NMNAT2: variants seen among roughly 807,000 people sequenced by gnomAD.
NMNAT2 encodes nicotinamide/nicotinic acid mononucleotide adenylyltransferase 2.
A neutral mutation model predicts 41.6 loss-of-function variants in NMNAT2; 11 were observed. That is an observed-to-expected ratio of 0.26 (90% CI 0.17 to 0.44). NMNAT2 has a LOEUF of 0.44. NMNAT2 is among the 20% of genes least tolerant of loss of function. NMNAT2 has a pLI of 1.00. For synonymous variants in NMNAT2, 148 were observed against 151.2 expected (o/e 0.98, Z 0.16); for missense variants, 288 against 407.7 (o/e 0.71, Z 2.53).
chr1:183,345,146 C>A (rs752404730), intron 1 of NMNAT2, among the ~76,000 whole-genome samples: 5 of 152,016 alleles, frequency 3.3e-5, no homozygotes, highest in Admixed American at 6.5e-5. Flanking sequence ...CTTGTCTCCC[C>A]CTAGCTGACT....
At chr1:183,403,675 A>G (rs1157554477) in intron 1 of NMNAT2, among the ~76,000 whole-genome samples, 1 of 152,236 alleles carries the variant, frequency 6.6e-6, no homozygotes, top group East Asian at 1.9e-4. Flanking sequence ...TAGCCATATG[A>G]TTTACTGGGC....
At position 183,252,463 on chromosome 1, in the gene NMNAT2, G is replaced by A. The variant is rs994284267; in HGVS notation, c.*178C>T. 247 of 354,520 alleles carry A rather than the reference G, an allele frequency of 7.0e-4. No homozygotes were observed. The highest frequency in any genetic ancestry group is 2.6e-3 in the East Asian group (36 of 13,630). The allele number at this position is 354,520 out of a possible 1,614,324, so 22.0% of individuals were successfully genotyped here. On this transcript the variant is annotated 3_prime_UTR_variant, in exon 11 of 11. Coordinates refer to ENST00000287713, the MANE Select transcript of NMNAT2 (RefSeq NM_015039.4). ...GAGACTAGAGGAAAGTCTGTCCAAA[G>A]ATGACTGTGGAATAGGGAATGCCAT...
At chr1:183,338,852 T>A (rs565566258) in intron 1 of NMNAT2, among the ~76,000 whole-genome samples, 18 of 152,224 alleles carry the variant, frequency 1.2e-4, no homozygotes, top group African/African-American at 3.9e-4. Flanking sequence ...AACTAGAAAC[T>A]GTCCTGTGTC....
At chr1:183,377,824 A>C (rs2101914171) in intron 1 of NMNAT2, among the ~76,000 whole-genome samples, 1 of 152,374 alleles carries the variant, frequency 6.6e-6, no homozygotes, top group African/African-American at 2.4e-5. Context: ...TTAGGAATTC[A>C]AAATAATTAT....
At chr1:183,329,535 T>C (rs1179883170) in intron 1 of NMNAT2, among the ~76,000 whole-genome samples, 1 of 152,188 alleles carries the variant, frequency 6.6e-6, no homozygotes, top group Non-Finnish European at 1.5e-5. Flanking sequence ...TAGCAATTTC[T>C]TACTGAGCCT....
chr1:183,414,979 T>C (rs1649214938), intron 1 of NMNAT2, among the ~76,000 whole-genome samples: 2 of 151,212 alleles, frequency 1.3e-5, no homozygotes, highest in East Asian at 2.0e-4. Flanking sequence ...TAAAGAAAGC[T>C]TGAAAAAAAA....
intron 1 of NMNAT2, among the ~76,000 whole-genome samples, chr1:183,362,101 G>T (rs1046157027): frequency 6.6e-6 from 1 of 152,020 alleles, no homozygotes; most frequent in Non-Finnish European, 1.5e-5. Context: ...ACCACGCCTG[G>T]CTAATTTTTG....
Position 183,251,294 on chromosome 1 carries a change from G to C in NMNAT2, c.*1347C>G, listed in dbSNP as rs1660368636. 1 of 152,058 alleles carries C rather than the reference G, an allele frequency of 6.6e-6. No individual in the cohort carries two copies. The highest frequency in any genetic ancestry group is 1.5e-5 in the Non-Finnish European group (1 of 68,088). The allele number at this position is 152,058 out of a possible 1,614,324, so 9.4% of individuals were successfully genotyped here. On this transcript the variant is annotated 3_prime_UTR_variant, in exon 11 of 11. Transcript: ENST00000287713. ...ACCACAGAAACAAGACCAAGGCACT[G>C]CTTCTCAAGAAGAAACTGACCTCAT...
intron 7 of NMNAT2, among the ~76,000 whole-genome samples, chr1:183,280,457 G>A (rs1444995019): frequency 1.3e-5 from 2 of 151,728 alleles, no homozygotes; most frequent in Non-Finnish European, 2.9e-5. Context: ...ACACGATCTT[G>A]GCTCACTGCA....
chr1:183,348,939 GGTTAA>G (rs1367472345), intron 1 of NMNAT2, among the ~76,000 whole-genome samples: 1 of 152,212 alleles, frequency 6.6e-6, no homozygotes, highest in Non-Finnish European at 1.5e-5. Context: ...TATGGCACCA[GGTTAA>G]GTCTTTGTCA....
intron 1 of NMNAT2, among the ~76,000 whole-genome samples, chr1:183,404,673 A>T (rs1648905333): frequency 6.6e-6 from 1 of 152,162 alleles, no homozygotes; most frequent in Non-Finnish European, 1.5e-5. Flanking sequence ...GCCCCTCATG[A>T]TGTGAGAAAG....
At position 183,253,904 on chromosome 1, in the gene NMNAT2, CGTGTGTGTGTGTGTGTGTGTGT is replaced by C. The variant is rs139756017; in HGVS notation, c.822-1183_822-1162del. Among the ~76,000 whole-genome samples, 5 of 144,270 alleles carry C rather than the reference CGTGTGTGTGTGTGTGTGTGTGT, an allele frequency of 3.5e-5. No individual in the cohort carries two copies. The East Asian group carries it at 1.0e-3, about 29-fold the overall frequency. The allele number at this position is 144,270 out of a possible 152,430, so 94.6% of individuals were successfully genotyped here. A position where few individuals can be genotyped will look rare whatever the true frequency, so the allele number is the denominator to read the frequency against. ...TTTAAGTCGAATAATGTTCCACTTC[CGTGTGTGTGTGTGTGTGTGTGT>C]GTGTGTGTGTGTGTGTGTATGTGTG... is the stretch of plus-strand genomic sequence containing the variant. On this transcript the variant is annotated intron_variant, in intron 10 of 10. Transcript: ENST00000287713.
chr1:183,282,659 G>A (rs1661300545), intron 7 of NMNAT2, among the ~76,000 whole-genome samples: 1 of 152,216 alleles, frequency 6.6e-6, no homozygotes, highest in African/African-American at 2.4e-5. Context: ...GGGAAGTGGA[G>A]TGCAGGAGCT....
chr1:183,276,953 T>A (rs944726592), intron 8 of NMNAT2, among the ~76,000 whole-genome samples: 2 of 152,218 alleles, frequency 1.3e-5, no homozygotes, highest in Admixed American at 6.5e-5. Flanking sequence ...AAACTTTCCC[T>A]CCCATCTTGG....
At chr1:183,277,717 A>G (rs1012347097) in intron 8 of NMNAT2, among the ~76,000 whole-genome samples, 2 of 152,130 alleles carry the variant, frequency 1.3e-5, no homozygotes, top group African/African-American at 4.8e-5. Flanking sequence ...AAGATTGTAT[A>G]GTACAACGTT....
chr1:183,280,394 T>C (rs1452122436), intron 7 of NMNAT2, among the ~76,000 whole-genome samples: 1 of 152,166 alleles, frequency 6.6e-6, no homozygotes, highest in Non-Finnish European at 1.5e-5. Context: ...TCCTTTTTTT[T>C]TTCTTTTTTT....
At chr1:183,367,288 A>T (rs1460121638) in intron 1 of NMNAT2, among the ~76,000 whole-genome samples, 1 of 152,042 alleles carries the variant, frequency 6.6e-6, no homozygotes, top group Admixed American at 6.6e-5. Flanking sequence ...GAGAAAACCC[A>T]TCTCTACTAA....
intron 1 of NMNAT2, among the ~76,000 whole-genome samples, chr1:183,389,824 GAAAGAAAGAAAGAAAGA>G (rs1557897745): frequency 9.2e-4 from 50 of 54,326 alleles, no homozygotes; most frequent in African/African-American, 3.0e-3. Context: ...AAGAAAGAAA[GAAAGAAAGAAAGAAAGA>G]AAGGAAAAAA....
Position 183,249,516 on chromosome 1 carries a change from C to T in NMNAT2, c.*3125G>A, listed in dbSNP as rs201073253. ...TTGGGCTTTGCAGGAAGGAACAGGA[C>T]CCCAGAGACAAAGTCGGGGGGTAGA... is the stretch of plus-strand genomic sequence containing the variant. On this transcript the variant is annotated 3_prime_UTR_variant, in exon 11 of 11. Transcript: ENST00000287713. The T allele has an allele frequency of 1.3e-5, 2 of 152,206 alleles. No individual in the cohort carries two copies. The highest frequency in any genetic ancestry group is 2.4e-5 in the African/African-American group (1 of 41,408). The allele number at this position is 152,206 out of a possible 1,614,324, so 9.4% of individuals were successfully genotyped here.
Sources: gnomAD v4.1 joint callset for allele counts (sites outside exome capture counted in the v4.1 genomes callset) on GRCh38, gnomAD v4.1.1 for gene constraint, MANE v1.5 for transcripts, NCBI Gene and HGNC (gene_info 2026-07-23, HGNC 2026-07-21) for gene names.